The following ATP8B3 variants were observed in gnomAD, a reference collection of about 807,000 sequenced individuals.
ATP8B3 encodes ATPase phospholipid transporting 8B3, also known as phospholipid-transporting ATPase IK.
In ATP8B3, 141 loss-of-function variants were observed where a neutral mutation model predicts 140.9. That is an observed-to-expected ratio of 1.00 (90% CI 0.87 to 1.15). The LOEUF (loss-of-function observed/expected upper bound fraction) is 1.15. Ranked by LOEUF, ATP8B3 falls within the 50% of genes most tolerant of loss-of-function variation. ATP8B3 has a pLI of 0.00. For synonymous variants in ATP8B3, 765 were observed against 714.6 expected (o/e 1.07, Z -1.13); for missense variants, 1,874 against 1,740.6 (o/e 1.08, Z -1.36).
Position 1,805,951 on chromosome 19 carries a change from A to G in ATP8B3, c.758T>C (p.Met253Thr), listed in dbSNP as rs760831845. ...GGGCTCCGTGCTGGCCAGCAAGAGC[A>G]TGTCGGCCTGGTGTGGAGTGGGGGG... ...LRKDNIVPAD[M>T]LLLASTEPSS... The change falls in exon 9 of 29, where the codon ATG becomes ACG. Residue 253 changes from methionine to threonine, a missense_variant. Coordinates refer to ENST00000310127, the MANE Select transcript of ATP8B3 (RefSeq NM_138813.4). The surrounding 1 kb of genome is among the most constrained non-coding windows in gnomAD (Gnocchi z 5.2). The G allele has an allele frequency of 5.6e-5, 91 of 1,612,402 alleles. 1 individual carries two copies. In the Admixed American group the frequency reaches 1.5e-3, roughly 26 times the overall value.
In ATP8B3 at chr19:1,801,418, TGGG is replaced by T. The variant is rs543795777; in HGVS notation, c.1152+535_1152+537del. Reference sequence around the variant, plus strand: ...CACCCACCTCGGCCCCAGAACGTGCTGGGATTACAGGCATGAGCCATCTCACCC... The same window carrying T: ...CACCCACCTCGGCCCCAGAACGTGCTATTACAGGCATGAGCCATCTCACCC... On this transcript the variant is annotated intron_variant, in intron 12 of 28. Transcript: ENST00000310127. Among the ~76,000 whole-genome samples, 152 of 152,308 alleles carry T rather than the reference TGGG, an allele frequency of 1.0e-3. 1 individual carries two copies. Among genetic ancestry groups the T allele is most frequent in the African/African-American group, 3.4e-3 (143 of 41,576 alleles).
Position 1,799,964 on chromosome 19 carries a change from A to G in ATP8B3, c.1535T>C (p.Ile512Thr). 6.2e-7 allele frequency: 1 copy of G among 1,601,912 alleles called. No individual in the cohort carries two copies. The stretch of plus-strand genomic sequence containing the variant: ...GGCCGCACCATAGACGCGGCCGCTG[A>G]TGCAGCACTTGTTGAAGGTCAAGAT... ...QNILTFNKCC[I>T]SGRVYGPDSE... is the part of the protein sequence containing the mutation. The change falls in exon 14 of 29, where the codon ATC becomes ACC. Residue 512 changes from isoleucine (I) to threonine (T), a missense_variant. Around this residue, in one of 3 missense-constraint regions of ATP8B3, gnomAD observed 1,032 missense variants for 963.6 expected, o/e 1.07. Coordinates refer to ENST00000310127, the MANE Select transcript of ATP8B3 (RefSeq NM_138813.4).
Position 1,790,827 on chromosome 19 carries a change from C to G in ATP8B3, c.2308G>C (p.Ala770Pro). The G allele has an allele frequency of 6.3e-7, 1 of 1,599,006 alleles. No homozygotes were observed. The highest frequency in any genetic ancestry group is 8.5e-7 in the Non-Finnish European group (1 of 1,174,176). The change falls in exon 21 of 29, where the codon GCT becomes CCT. Residue 770 changes from alanine to proline, a missense_variant. Physicochemically the swap from Ala to Pro is conservative, Grantham distance 27. Coordinates refer to ENST00000310127, the MANE Select transcript of ATP8B3 (RefSeq NM_138813.4). ...TCGCAGGCGAAGCCGATGTTCACAG[C>G]CGTTTCTGCGAAGCAGACCAGCTCA... is the stretch of plus-strand genomic sequence containing the variant. Reference protein sequence around the residue: ...WVLTGDKQETAVNIGFACELL... With the variant: ...WVLTGDKQETPVNIGFACELL...
chr19:1,797,048 C>G (rs1410324148), intron 14 of ATP8B3, 43 bp from the exon 15 acceptor site: 1 of 1,612,350 alleles, frequency 6.2e-7, no homozygotes, highest in Non-Finnish European at 8.5e-7. Context: ...CCACAGGCCC[C>G]CCATTCGGGA....
intron 18 of ATP8B3, among the ~76,000 whole-genome samples, chr19:1,795,166 G>A (rs570948542): frequency 3.2e-4 from 48 of 152,142 alleles, no homozygotes; most frequent in African/African-American, 1.0e-3. Context: ...GAGGCAGGAG[G>A]ATAGCTTAAG....
intron 2 of ATP8B3, 114 bp downstream of exon 2, chr19:1,811,375 G>A (rs1221198171): frequency 5.6e-6 from 8 of 1,427,444 alleles, no homozygotes; most frequent in Non-Finnish European, 7.4e-6. Flanking sequence ...ATGAGGATGG[G>A]CAAACCACCC....
Position 1,806,296 on chromosome 19 carries a change from C to G in ATP8B3, c.678-127G>C, listed in dbSNP as rs2069016860. 1 of 1,490,854 alleles carries G rather than the reference C, an allele frequency of 6.7e-7. No homozygotes were observed. Among genetic ancestry groups the G allele is most frequent in the East Asian group, 2.5e-5 (1 of 40,514 alleles). The allele number at this position is 1,490,854 out of a possible 1,614,324, so 92.4% of individuals were successfully genotyped here. A position where few individuals can be genotyped will look rare whatever the true frequency, so the allele number is the denominator to read the frequency against. On this transcript the variant is annotated intron_variant, in intron 7 of 28. Transcript: ENST00000310127. The surrounding 1 kb of genome is among the most constrained non-coding windows in gnomAD (Gnocchi z 5.6). ...CCCCACCTCCGGGCCTTTGCCCCCT[C>G]AGGAAGCCTTCCCCGGGCTCCCACC...
In ATP8B3 at chr19:1,789,379, C is replaced by T. The variant is rs1234547119; in HGVS notation, c.2827G>A (p.Asp943Asn). 2 of 1,572,518 alleles carry T rather than the reference C, an allele frequency of 1.3e-6. No homozygotes were observed. Among genetic ancestry groups the T allele is most frequent in the Non-Finnish European group, 8.6e-7 (1 of 1,163,358 alleles). Residue 943 changes from aspartate (D) to asparagine (N), a missense_variant, in exon 23 of 29, where the codon GAC becomes AAC. Physicochemically the swap from Asp to Asn is conservative, Grantham distance 23. This residue lies in a region of ATP8B3 where 840 missense variants were observed against 760.9 expected (regional missense o/e 1.10). Coordinates refer to ENST00000310127, the MANE Select transcript of ATP8B3 (RefSeq NM_138813.4). ...CACCCACTCTTGATCATGTTGATGT[C>T]GTTGGCACCGTCCCCGATGGCCAGG... ...VTLAIGDGAN[D>N]INMIKTADVG...
At position 1,789,007 on chromosome 19, in the gene ATP8B3, G is replaced by C; in HGVS notation, c.2959C>G (p.Arg987Gly). 1 of 1,610,294 alleles carries C rather than the reference G, an allele frequency of 6.2e-7. No individual in the cohort carries two copies. The highest frequency in any genetic ancestry group is 1.1e-5 in the South Asian group (1 of 90,414). ...FLQRLLLVHG[R>G]WSYVRICKFL... ...TTGCAGATCCGCACGTAGGACCAGC[G>C]GCCGTGCACCAGCAGGAGGCGCTGC... The change falls in exon 24 of 29, where the codon CGC (arginine) becomes GGC (glycine). Residue 987 changes from arginine (R) to glycine (G), a missense_variant. By Grantham distance (125) the Arg-to-Gly change is moderately radical (BLOSUM62 -2). Around this residue, in one of 3 missense-constraint regions of ATP8B3, gnomAD observed 840 missense variants for 760.9 expected, o/e 1.10. Coordinates refer to ENST00000310127, the MANE Select transcript of ATP8B3 (RefSeq NM_138813.4).
chr19:1,790,151 C>A (rs1250496650), intron 21 of ATP8B3, among the ~76,000 whole-genome samples, 162 bp from the exon 22 acceptor site: 3 of 118,342 alleles, frequency 2.5e-5, no homozygotes, highest in African/African-American at 3.3e-5. Flanking sequence ...CCTCCTCCCG[C>A]CGCTGCCCCT....
chr19:1,807,084 C>A lies in ATP8B3; in HGVS notation c.615+84G>T. On this transcript the variant is annotated intron_variant, in intron 6 of 28. Transcript: ENST00000310127. The surrounding 1 kb of genome is among the most constrained non-coding windows in gnomAD (Gnocchi z 5.9). ...CTAATGCTCCAGGAAGCCCAGCCCT[C>A]CTCCCACTCTCGCCCAGGGATCAAG... 3 of 1,269,118 alleles carry A rather than the reference C, an allele frequency of 2.4e-6. No individual in the cohort carries two copies. The highest frequency in any genetic ancestry group is 3.4e-6 in the Non-Finnish European group (3 of 876,256). The allele number at this position is 1,269,118 out of a possible 1,614,324, so 78.6% of individuals were successfully genotyped here.
chr19:1,792,214 G>C, intron 18 of ATP8B3, 79 bp from the exon 19 acceptor site: 1 of 1,440,762 alleles, frequency 6.9e-7, no homozygotes, highest in African/African-American at 1.4e-5. Context: ...CCCCTGCCGG[G>C]CTCCGGAGCC....
intron 3 of ATP8B3, among the ~76,000 whole-genome samples, chr19:1,810,098 C>T (rs186710497): frequency 2.6e-5 from 4 of 152,330 alleles, no homozygotes; most frequent in South Asian, 2.1e-4. Flanking sequence ...ATCCAGCTGG[C>T]GGCCCAGATC....
At chr19:1,789,153 C>A (rs1353710140) in intron 23 of ATP8B3, 33 bp from the exon 24 acceptor site, 1 of 1,466,902 alleles carries the variant, frequency 6.8e-7, no homozygotes, top group Non-Finnish European at 9.1e-7. Flanking sequence ...CAGCCCCCCG[C>A]ACGCCCCCAG....
chr19:1,811,496 G>C lies in ATP8B3; in HGVS notation c.241C>G (p.Pro81Ala), dbSNP rs770535195. ...CGATGCACCCGTCCTCACCCTTCTG[G>C]TCTCCATTCATACTTCCTAGCCCGG... ...PGRARKYEWR[P>A]EGPTSMGSLG... The change falls in exon 2 of 29, where the codon CCA becomes GCA. Residue 81 changes from proline (P) to alanine (A), a missense_variant. Physicochemically the swap from Pro to Ala is conservative, Grantham distance 27. This residue lies in a region of ATP8B3 where 1,032 missense variants were observed against 963.6 expected (regional missense o/e 1.07). Coordinates refer to ENST00000310127, the MANE Select transcript of ATP8B3 (RefSeq NM_138813.4). The C allele has an allele frequency of 6.2e-7, 1 of 1,611,640 alleles. No individual in the cohort carries two copies.
At position 1,807,067 on chromosome 19, in the gene ATP8B3, C is replaced by T; in HGVS notation, c.615+101G>A. ...CCCAGGCCCACGTTCCCCTAATGCTCCAGGAAGCCCAGCCCTCCTCCCACT... is the reference window on the plus strand; with the variant it reads ...CCCAGGCCCACGTTCCCCTAATGCTTCAGGAAGCCCAGCCCTCCTCCCACT... On this transcript the variant is annotated intron_variant, in intron 6 of 28. Coordinates refer to ENST00000310127, the MANE Select transcript of ATP8B3 (RefSeq NM_138813.4). This position sits in a 1 kb window ranked among gnomAD's most constrained non-coding sequence, Gnocchi z 5.9. 1.2e-5 allele frequency: 13 copies of T among 1,090,050 alleles called. No individual in the cohort carries two copies. The highest frequency in any genetic ancestry group is 1.8e-5 in the Admixed American group (1 of 55,738). The allele number at this position is 1,090,050 out of a possible 1,614,324, so 67.5% of individuals were successfully genotyped here.
rs761451897 is a variant in ATP8B3, at chr19:1,805,413, T to C, written c.865A>G (p.Lys289Glu). ...KFRQALMVTH[K>E]ELATIKKMAS... ...ATCTTCTTTATAGTGGCCAGTTCTT[T>C]GTGGGTGACCATCAGGGCCTGTCTG... The change falls in exon 10 of 29, where the codon AAA becomes GAA. Residue 289 changes from lysine (K) to glutamate (E), a missense_variant. Transcript: ENST00000310127. This position sits in a 1 kb window ranked among gnomAD's most constrained non-coding sequence, Gnocchi z 5.2. 9.6e-6 allele frequency: 15 copies of C among 1,567,956 alleles called. No individual in the cohort carries two copies. The Admixed American group carries it at 2.8e-4, about 29-fold the overall frequency.
At position 1,798,376 on chromosome 19, in the gene ATP8B3, C is replaced by T. The variant is rs534132207; in HGVS notation, c.1553-1371G>A. Among the ~76,000 whole-genome samples, 137 of 152,086 alleles carry T rather than the reference C, an allele frequency of 9.0e-4. 3 individuals are homozygous for T. The highest frequency in any genetic ancestry group is 1.7e-3 in the Non-Finnish European group (119 of 68,010). On this transcript the variant is annotated intron_variant, in intron 14 of 28. Coordinates refer to ENST00000310127, the MANE Select transcript of ATP8B3 (RefSeq NM_138813.4). The stretch of plus-strand genomic sequence containing the variant: ...CCCCACCACATCATCAATTTTTGTA[C>T]GGCCTGCGAGCTAAGAATTGTTTTT...
At chr19:1,795,783 CTACA>C (rs1568635385) in intron 18 of ATP8B3, 88 bp downstream of exon 18, 2 of 1,105,694 alleles carry the variant, frequency 1.8e-6, no homozygotes, top group Non-Finnish European at 2.6e-6. Context: ...CCTCCTGTCC[CTACA>C]CACACACACA....
Sources: gnomAD v4.1 joint callset for allele counts (sites outside exome capture counted in the v4.1 genomes callset) on GRCh38, gnomAD v4.1.1 for gene constraint, gnomAD v4.1.1 regional missense constraint, Gnocchi (gnomAD v3.1) non-coding constraint, MANE v1.5 for transcripts, NCBI Gene and HGNC (gene_info 2026-07-23, HGNC 2026-07-21) for gene names.